Variants in NKAIN3 observed in about 807,000 individuals in gnomAD.
The protein encoded by NKAIN3 is sodium/potassium-transporting ATPase subunit beta-1-interacting protein 3.
Under a neutral mutation model 30.2 loss-of-function variants are expected in NKAIN3, and 25 were observed. The observed-to-expected ratio is 0.83, with a 90% CI of 0.60 to 1.16. The LOEUF (loss-of-function observed/expected upper bound fraction) is 1.16, where lower values mean the gene tolerates loss of function less well. Ranked by LOEUF, NKAIN3 falls within the 50% of genes most tolerant of loss-of-function variation. NKAIN3 has a pLI of 0.00. For synonymous variants in NKAIN3, 91 were observed against 89.6 expected, an observed-to-expected ratio of 1.02 and a Z score of -0.09; for missense variants, 225 against 254.1, an observed-to-expected ratio of 0.89 and a Z score of 0.78.
intron 1 of NKAIN3, among the ~76,000 whole-genome samples, chr8:62,252,066 C>T (rs554481145): frequency 6.6e-6 from 1 of 152,146 alleles, no homozygotes; most frequent in Non-Finnish European, 1.5e-5. Context: ...CCCGTATAAG[C>T]CTGCTTCAGC....
chr8:62,451,690 T>G (rs1805648094), intron 1 of NKAIN3, among the ~76,000 whole-genome samples: 1 of 152,194 alleles, frequency 6.6e-6, no homozygotes, highest in Non-Finnish European at 1.5e-5. Context: ...CTTTTATGTT[T>G]TTTGATTAGT....
At chr8:62,453,961 C>G (rs1805729752) in intron 1 of NKAIN3, among the ~76,000 whole-genome samples, 1 of 152,028 alleles carries the variant, frequency 6.6e-6, no homozygotes, top group African/African-American at 2.4e-5. Context: ...TAAGGAAGAA[C>G]TGGTATCATT....
intron 1 of NKAIN3, among the ~76,000 whole-genome samples, chr8:62,561,458 T>C (rs1019890852): frequency 1.3e-5 from 2 of 152,136 alleles, no homozygotes; most frequent in Non-Finnish European, 2.9e-5. Context: ...GAGGCACAAA[T>C]AAAAAGTTGT....
At chr8:62,460,807 C>T (rs1805976812) in intron 1 of NKAIN3, among the ~76,000 whole-genome samples, 1 of 152,206 alleles carries the variant, frequency 6.6e-6, no homozygotes, top group Admixed American at 6.5e-5. Context: ...AGCCTTTGCT[C>T]AGAGGATTGT....
intron 1 of NKAIN3, among the ~76,000 whole-genome samples, chr8:62,376,773 G>T (rs980672277): frequency 1.3e-5 from 2 of 152,056 alleles, no homozygotes; most frequent in Non-Finnish European, 2.9e-5. Flanking sequence ...AGGTAAAAGG[G>T]AGTTGTTTAG....
At chr8:62,438,526 G>A (rs1274986070) in intron 1 of NKAIN3, among the ~76,000 whole-genome samples, 7 of 152,006 alleles carry the variant, frequency 4.6e-5, no homozygotes, top group African/African-American at 9.7e-5. Context: ...GCTCCCACTC[G>A]TAAGGGACAT....
rs537315415 is a variant in NKAIN3, at chr8:62,430,284, T to A, written c.55-149255T>A. ...CACTTGGGTTGCTTTCATATTGTAG[T>A]TATTGTGAATAATACTGCTGTGATA... On this transcript the variant is annotated intron_variant, in intron 1 of 6. Coordinates refer to ENST00000623646, the MANE Select transcript of NKAIN3 (RefSeq NM_001304533.3). Among the ~76,000 whole-genome samples, 3 of 151,886 alleles carry A rather than the reference T, an allele frequency of 2.0e-5. No homozygotes were observed. In the South Asian group the frequency reaches 6.2e-4, roughly 32 times the overall value.
At chr8:62,327,515 G>C (rs1315859280) in intron 1 of NKAIN3, among the ~76,000 whole-genome samples, 1 of 152,048 alleles carries the variant, frequency 6.6e-6, no homozygotes, top group African/African-American at 2.4e-5. Context: ...TAAGGGTCCA[G>C]ATTCATTCAT....
At chr8:62,949,505 A>G (rs1339284554) in intron 5 of NKAIN3, among the ~76,000 whole-genome samples, 1 of 152,206 alleles carries the variant, frequency 6.6e-6, no homozygotes, top group Non-Finnish European at 1.5e-5. Flanking sequence ...ATATTCTGTT[A>G]CAAGTAATAT....
chr8:62,860,623 A>G (rs891950684), intron 4 of NKAIN3, among the ~76,000 whole-genome samples: 3 of 152,208 alleles, frequency 2.0e-5, no homozygotes, highest in African/African-American at 7.2e-5. Context: ...TTCCTGCTAA[A>G]CAAGTTCCTG....
chr8:62,928,511 G>A (rs549025129), intron 5 of NKAIN3, among the ~76,000 whole-genome samples: 1 of 152,200 alleles, frequency 6.6e-6, no homozygotes, highest in South Asian at 2.1e-4. Flanking sequence ...GTACAAGCTT[G>A]TGTCAGAGAC....
intron 1 of NKAIN3, among the ~76,000 whole-genome samples, chr8:62,408,388 A>G (rs1804141144): frequency 6.6e-6 from 1 of 152,184 alleles, no homozygotes. Flanking sequence ...ACAGCCCACA[A>G]GACTGAACTG....
At chr8:62,465,848 C>A (rs185230536) in intron 1 of NKAIN3, among the ~76,000 whole-genome samples, 1 of 152,006 alleles carries the variant, frequency 6.6e-6, no homozygotes, top group Non-Finnish European at 1.5e-5. Context: ...CATGGTGAAA[C>A]CCCATTTCTA....
chr8:62,713,277 G>C (rs974014811), intron 3 of NKAIN3, among the ~76,000 whole-genome samples: 1 of 152,160 alleles, frequency 6.6e-6, no homozygotes, highest in Admixed American at 6.5e-5. Context: ...TATGACAAAA[G>C]CTTGCACGTA....
chr8:62,310,433 A>G (rs1055503231), intron 1 of NKAIN3, among the ~76,000 whole-genome samples: 1 of 150,684 alleles, frequency 6.6e-6, no homozygotes, highest in Non-Finnish European at 1.5e-5. Context: ...TAATATTGTC[A>G]AAAAGAACCA....
intron 3 of NKAIN3, among the ~76,000 whole-genome samples, chr8:62,602,985 C>T (rs1169282397): frequency 1.3e-5 from 2 of 152,116 alleles, no homozygotes; most frequent in Non-Finnish European, 2.9e-5. Context: ...AATTTTGGTG[C>T]TGTGAAGAAA....
chr8:62,575,708 C>A (rs1174743136), intron 1 of NKAIN3, among the ~76,000 whole-genome samples: 2 of 152,090 alleles, frequency 1.3e-5, no homozygotes, highest in Non-Finnish European at 2.9e-5. Context: ...TACCTGACTT[C>A]AAATTGTACT....
intron 5 of NKAIN3, among the ~76,000 whole-genome samples, chr8:62,948,643 G>A (rs1275291178): frequency 6.6e-6 from 1 of 152,140 alleles, no homozygotes; most frequent in African/African-American, 2.4e-5. Flanking sequence ...TCTTTTCAAA[G>A]ATGAAAGCAA....
chr8:62,510,119 T>C (rs1807773445), intron 1 of NKAIN3, among the ~76,000 whole-genome samples: 1 of 152,052 alleles, frequency 6.6e-6, no homozygotes, highest in Non-Finnish European at 1.5e-5. Context: ...GAATATATGA[T>C]GATTTGGTAA....
Sources: allele counts gnomAD v4.1 joint callset (sites outside exome capture counted in the v4.1 genomes callset), GRCh38; gene constraint gnomAD v4.1.1; transcripts MANE v1.5; gene names NCBI Gene and HGNC (gene_info 2026-07-23, HGNC 2026-07-21).